Variants in HEXA observed in about 807,000 individuals in gnomAD.
HEXA encodes the protein beta-hexosaminidase subunit alpha.
A neutral mutation model predicts 73.3 loss-of-function variants in HEXA; 54 were observed. The observed-to-expected ratio is 0.74, with a 90% CI of 0.59 to 0.92. The LOEUF (loss-of-function observed/expected upper bound fraction) is 0.92. Among genes scored for constraint, HEXA ranks in the 40% least tolerant of loss-of-function variants. HEXA has a pLI of 0.00. For synonymous variants in HEXA, 230 were observed against 246.9 expected, an observed-to-expected ratio of 0.93 and a Z score of 0.64; for missense variants, 649 against 653.0, an observed-to-expected ratio of 0.99 and a Z score of 0.07.
intron 5 of HEXA, among the ~76,000 whole-genome samples, chr15:72,352,472 C>A (rs901139513): frequency 6.6e-6 from 1 of 150,488 alleles, no homozygotes; most frequent in Non-Finnish European, 1.5e-5. Context: ...AAAATTGAGA[C>A]GCTGTCTCAA....
intron 1 of HEXA, among the ~76,000 whole-genome samples, chr15:72,372,223 C>A (rs1595814030): frequency 6.6e-6 from 1 of 151,992 alleles, no homozygotes; most frequent in African/African-American, 2.4e-5. Context: ...GTGGTGGGTG[C>A]CTGAATTCCC....
At chr15:72,359,757 A>C (rs2140331336) in intron 1 of HEXA, 1 of 150,544 alleles carries the variant, frequency 6.6e-6, no homozygotes, top group Non-Finnish European at 1.5e-5. Context: ...ATCAAACAGT[A>C]CTACCAAACA....
At chr15:72,356,733 C>T in intron 1 of HEXA, 116 bp from the exon 2 acceptor site, 1 of 1,486,154 alleles carries the variant, frequency 6.7e-7, no homozygotes, top group Admixed American at 1.9e-5. Flanking sequence ...AAAGGGAGGA[C>T]ATGGCATTTA....
At chr15:72,363,315 T>A (rs1184349622) in intron 1 of HEXA, among the ~76,000 whole-genome samples, 1 of 152,110 alleles carries the variant, frequency 6.6e-6, no homozygotes. Context: ...CAAACAATAA[T>A]TACAAACATT....
intron 5 of HEXA, 103 bp from the exon 6 acceptor site, chr15:72,351,337 C>G: frequency 5.2e-6 from 4 of 770,864 alleles, no homozygotes; most frequent in Non-Finnish European, 9.5e-6. Context: ...CACACCCCTA[C>G]AGGCTTGACC....
In HEXA at chr15:72,346,459, T is replaced by C; in HGVS notation, c.1330+68A>G. 5.1e-6 allele frequency: 8 copies of C among 1,556,612 alleles called. No individual in the cohort carries two copies. In the South Asian group the frequency reaches 5.6e-5, roughly 11 times the overall value. ...TAACTGGAAATGTCTGGCCCAGACCTTCCTGCCTCCCATCCTGTGCCCCAA... is the reference window on the plus strand; with the variant it reads ...TAACTGGAAATGTCTGGCCCAGACCCTCCTGCCTCCCATCCTGTGCCCCAA... On this transcript the variant is annotated intron_variant, in intron 11 of 13. Coordinates refer to ENST00000268097, the MANE Select transcript of HEXA (RefSeq NM_000520.6).
intron 1 of HEXA, among the ~76,000 whole-genome samples, chr15:72,361,551 T>C (rs1383212828): frequency 6.6e-6 from 1 of 152,170 alleles, no homozygotes; most frequent in Non-Finnish European, 1.5e-5. Context: ...CACTTGAATC[T>C]TAAACATAAA....
chr15:72,362,403 G>A, intron 1 of HEXA: 1 of 455,148 alleles, frequency 2.2e-6, no homozygotes, highest in Non-Finnish European at 4.4e-6. Context: ...CAACAGGAGG[G>A]ACCAATCTCA....
Position 72,351,231 on chromosome 15 carries a change from C to T in HEXA, c.574G>A (p.Val192Ile), listed in dbSNP as rs387906310. Residue 192 changes from valine to isoleucine, a missense_variant, in exon 6 of 14, where the codon GTC (valine) becomes ATC (isoleucine). By Grantham distance (29) the Val-to-Ile change is conservative. Transcript: ENST00000268097. The part of the protein sequence containing the change: ...PLSSILDTLD[V>I]MAYNKLNVFH... ...ACGTTCAATTTATTGTACGCCATGA[C>T]ATCCTGTAGGTTAAAGTGCACACTG... 9 of 1,601,090 alleles carry T rather than the reference C, an allele frequency of 5.6e-6. No homozygotes were observed. Among genetic ancestry groups the T allele is most frequent in the Non-Finnish European group, 6.8e-6 (8 of 1,168,286 alleles).
chr15:72,354,879 C>A (rs1439773693), intron 3 of HEXA: 1 of 153,732 alleles, frequency 6.5e-6, no homozygotes, highest in African/African-American at 2.4e-5. Context: ...AATAGTTTAG[C>A]CAGTAAACTC....
intron 8 of HEXA, among the ~76,000 whole-genome samples, chr15:72,348,342 T>C (rs529401165): frequency 6.6e-6 from 1 of 152,196 alleles, no homozygotes; most frequent in Non-Finnish European, 1.5e-5. Context: ...AAAGGCTGAG[T>C]CTGGACCTGA....
chr15:72,367,799 C>T (rs2088937168), intron 1 of HEXA, among the ~76,000 whole-genome samples: 1 of 152,186 alleles, frequency 6.6e-6, no homozygotes, highest in African/African-American at 2.4e-5. Context: ...TTTCCACGCG[C>T]AGTTCTTTCT....
At chr15:72,372,412 T>C (rs1016499795) in intron 1 of HEXA, among the ~76,000 whole-genome samples, 7 of 151,960 alleles carry the variant, frequency 4.6e-5, no homozygotes, top group Non-Finnish European at 1.0e-4. Flanking sequence ...TTGGAAAAAT[T>C]TGGACTTTAT....
Position 72,353,102 on chromosome 15 carries a change from T to C in HEXA, c.536A>G (p.His179Arg), listed in dbSNP as rs747372270. The C allele has an allele frequency of 1.2e-6, 2 of 1,613,188 alleles. No individual in the cohort carries two copies. Among genetic ancestry groups the C allele is most frequent in the Non-Finnish European group, 8.5e-7 (1 of 1,179,298 alleles). The change falls in exon 5 of 14, where the codon CAT becomes CGT. Residue 179 changes from histidine (H) to arginine (R), a missense_variant. Coordinates refer to ENST00000268097, the MANE Select transcript of HEXA (RefSeq NM_000520.6). The part of the protein sequence containing the change: ...HRGLLLDTSR[H>R]YLPLSSILDT... Reference sequence around the variant, plus strand: ...CAGGATGCTAGAGAGTGGCAGGTAATGGCGAGATGTATCCAACAGCAAGCC... The same window carrying C: ...CAGGATGCTAGAGAGTGGCAGGTAACGGCGAGATGTATCCAACAGCAAGCC...
At chr15:72,357,797 A>G (rs1166635182) in intron 1 of HEXA, 1 of 152,156 alleles carries the variant, frequency 6.6e-6, no homozygotes, top group East Asian at 1.9e-4. Flanking sequence ...GCACTACCAC[A>G]TGGCTGTATC....
At chr15:72,353,950 G>C (rs1200469937) in intron 3 of HEXA, 3 of 621,784 alleles carry the variant, frequency 4.8e-6, no homozygotes, top group Non-Finnish European at 8.7e-6. Context: ...GGAGATGTCA[G>C]AGTAAGGGTT....
At chr15:72,375,669 C>T in intron 1 of HEXA, 51 bp downstream of exon 1, 1 of 1,610,034 alleles carries the variant, frequency 6.2e-7, no homozygotes, top group African/African-American at 1.3e-5. Flanking sequence ...GAACTGTCCC[C>T]AGGCAGGCAC....
intron 1 of HEXA, among the ~76,000 whole-genome samples, chr15:72,374,476 T>C (rs1240418224): frequency 2.0e-5 from 3 of 152,368 alleles, no homozygotes; most frequent in Non-Finnish European, 1.5e-5. Context: ...TATAATTAAA[T>C]GCTTTTAATT....
In HEXA at chr15:72,343,155, A is replaced by T. The variant is rs1595794918; in HGVS notation, c.*922T>A. 1 of 152,170 alleles carries T rather than the reference A, an allele frequency of 6.6e-6. No homozygotes were observed. Among genetic ancestry groups the T allele is most frequent in the Non-Finnish European group, 1.5e-5 (1 of 68,036 alleles). 9.4% of individuals were successfully genotyped at this position (152,170 alleles called of 1,614,324 possible). A position where few individuals can be genotyped will look rare whatever the true frequency, so the allele number is the denominator to read the frequency against. On this transcript the variant is annotated 3_prime_UTR_variant, in exon 14 of 14. Transcript: ENST00000268097. ...AGAATGGCGTGAACCCAGGAGGTGG[A>T]GCTTGCAGTGAGTCGAGATCGTGCC...
Sources: gnomAD v4.1 joint callset for allele counts (sites outside exome capture counted in the v4.1 genomes callset) on GRCh38, gnomAD v4.1.1 for gene constraint, MANE v1.5 for transcripts, NCBI Gene and HGNC (gene_info 2026-07-23, HGNC 2026-07-21) for gene names.